PRR27: variants seen among roughly 807,000 people sequenced by gnomAD.
The protein encoded by PRR27 is proline-rich protein 27.
A neutral mutation model predicts 16.8 loss-of-function variants in PRR27; 12 were observed. The ratio of observed to expected loss-of-function variants is 0.71; its 90% confidence interval spans 0.46 to 1.16. The LOEUF (loss-of-function observed/expected upper bound fraction) is 1.16. Among genes scored for constraint, PRR27 ranks in the 50% most tolerant of loss-of-function variants. The pLI, the probability that PRR27 is intolerant of heterozygous loss-of-function variation, is 0.00. For missense variants in PRR27, 277 were observed against 273.3 expected, an observed-to-expected ratio of 1.01 and a Z score of -0.10; for synonymous variants, 100 against 98.4, an observed-to-expected ratio of 1.02 and a Z score of -0.10.
rs760579021 is a variant in PRR27, at chr4:70,158,468, A to T, written c.216A>T (p.Leu72Phe). 4.3e-6 allele frequency: 7 copies of T among 1,614,112 alleles called. No individual in the cohort carries two copies. Among genetic ancestry groups the T allele is most frequent in the Non-Finnish European group, 5.1e-6 (6 of 1,180,008 alleles). ...YPGNTYTDTGLPSYPWILTSP... is the reference protein window; with the variant it reads ...YPGNTYTDTGFPSYPWILTSP... ...GGAATACTTACACTGACACAGGGTT[A>T]CCTTCGTATCCCTGGATTCTAACTT... Residue 72 changes from leucine (L) to phenylalanine (F), a missense_variant, in exon 3 of 5, where the codon TTA becomes TTT. Physicochemically the swap from Leu to Phe is conservative, Grantham distance 22. Transcript: ENST00000344526.
At position 70,158,527 on chromosome 4, in the gene PRR27, GT is replaced by G; in HGVS notation, c.279del (p.Leu95Ter). The part of the protein sequence containing the change: ...PGFPYVYHIR[G>X]FPLATQLNVP... The stretch of plus-strand genomic sequence containing the variant: ...TTCCCCTATGTCTATCACATCCGTG[GT>G]TTTCCCTTAGCTACTCAGTTGAATG... On this transcript the variant is annotated frameshift_variant, in exon 3 of 5. Coordinates refer to ENST00000344526, the MANE Select transcript of PRR27 (RefSeq NM_214711.4). LOFTEE classifies it high-confidence loss of function. 6.2e-7 allele frequency: 1 copy of G among 1,614,074 alleles called. No individual in the cohort carries two copies. Among genetic ancestry groups the G allele is most frequent in the Non-Finnish European group, 8.5e-7 (1 of 1,179,996 alleles).
intron 3 of PRR27, among the ~76,000 whole-genome samples, chr4:70,160,287 T>A (rs1156937265): frequency 1.3e-5 from 2 of 152,160 alleles, no homozygotes; most frequent in Admixed American, 1.3e-4. Flanking sequence ...AGAACACAGA[T>A]ATCTAGATCT....
intron 3 of PRR27, among the ~76,000 whole-genome samples, chr4:70,161,016 C>T (rs757271961): frequency 5.3e-5 from 8 of 151,620 alleles, no homozygotes; most frequent in Non-Finnish European, 1.0e-4. Context: ...GGGTTACATT[C>T]AATGGTGTTT....
In PRR27 at chr4:70,165,149, G is replaced by A. The variant is rs560153217; in HGVS notation, c.*2488G>A. 5 of 152,134 alleles carry A rather than the reference G, an allele frequency of 3.3e-5. No homozygotes were observed. Among genetic ancestry groups the A allele is most frequent in the African/African-American group, 9.6e-5 (4 of 41,528 alleles). 9.4% of individuals were successfully genotyped at this position (152,134 alleles called of 1,614,324 possible). On this transcript the variant is annotated 3_prime_UTR_variant, in exon 5 of 5. Coordinates refer to ENST00000344526, the MANE Select transcript of PRR27 (RefSeq NM_214711.4). ...TAATTTCCACTGTGGAAAACAAACTGTTGTTAGTAAACAGGCATCAGCTTT... is the reference window on the plus strand; with the variant it reads ...TAATTTCCACTGTGGAAAACAAACTATTGTTAGTAAACAGGCATCAGCTTT...
intron 3 of PRR27, among the ~76,000 whole-genome samples, chr4:70,160,185 G>A (rs533699980): frequency 3.9e-5 from 6 of 152,164 alleles, no homozygotes; most frequent in African/African-American, 1.4e-4. Flanking sequence ...TTATAACCCA[G>A]CCCTAACCAC....
chr4:70,164,684 G>A lies in PRR27; in HGVS notation c.*2023G>A, dbSNP rs890032609. On this transcript the variant is annotated 3_prime_UTR_variant, in exon 5 of 5. Coordinates refer to ENST00000344526, the MANE Select transcript of PRR27 (RefSeq NM_214711.4). ...TTGTCAAAATTCAGGCTTTTTGTGT[G>A]AATTGAAGACTTAAAGAAGAATTTG... 10 of 152,006 alleles carry A rather than the reference G, an allele frequency of 6.6e-5. No homozygotes were observed. Among genetic ancestry groups the A allele is most frequent in the Admixed American group, 4.6e-4 (7 of 15,256 alleles). 9.4% of individuals were successfully genotyped at this position (152,006 alleles called of 1,614,324 possible). A position where few individuals can be genotyped will look rare whatever the true frequency, so the allele number is the denominator to read the frequency against.
intron 2 of PRR27, 117 bp downstream of exon 2, chr4:70,156,194 A>C (rs1363542926): frequency 4.0e-6 from 2 of 498,848 alleles, no homozygotes; most frequent in Non-Finnish European, 7.0e-6. Context: ...ATTGCTCTTA[A>C]AATAATAGTG....
chr4:70,166,324 T>C lies in PRR27; in HGVS notation c.*3663T>C, dbSNP rs1427002789. The C allele has an allele frequency of 1.3e-5, 2 of 152,052 alleles. 1 individual carries two copies. Among genetic ancestry groups the C allele is most frequent in the African/African-American group, 4.8e-5 (2 of 41,428 alleles). The allele number at this position is 152,052 out of a possible 1,614,324, so 9.4% of individuals were successfully genotyped here. ...TTTGCAAGTAGCCTGAATAAAACTT[T>C]TCATTATTTATATTATCACATGCAT... is the stretch of plus-strand genomic sequence containing the variant. On this transcript the variant is annotated 3_prime_UTR_variant, in exon 5 of 5. Coordinates refer to ENST00000344526, the MANE Select transcript of PRR27 (RefSeq NM_214711.4).
chr4:70,158,366 G>A lies in PRR27; in HGVS notation c.114G>A (p.Leu38=). The A allele has an allele frequency of 6.2e-7, 1 of 1,611,370 alleles. No homozygotes were observed. The highest frequency in any genetic ancestry group is 8.5e-7 in the Non-Finnish European group (1 of 1,177,778). The change falls in exon 3 of 5, where the codon CTG becomes CTA. Residue 38 remains leucine, a synonymous_variant. Coordinates refer to ENST00000344526, the MANE Select transcript of PRR27 (RefSeq NM_214711.4). ...ATGGTCACCCACTTCATCCATCTCT[G>A]AATATTCCTTATGGCATACGGAATT... ...NDDGHPLHPS[L]NIPYGIRNLP...
intron 3 of PRR27, among the ~76,000 whole-genome samples, chr4:70,160,443 C>CTCTCTCTCTCTCTGTGTG (rs1298386504): frequency 1.0e-4 from 7 of 68,704 alleles, no homozygotes; most frequent in Middle Eastern, 0.014. Flanking sequence ...CTCTCTCTCT[C>CTCTCTCTCTCTCTGTGTG]TGTGTGTGTG....
At chr4:70,161,015 T>C (rs528743171) in intron 3 of PRR27, among the ~76,000 whole-genome samples, 6 of 151,862 alleles carry the variant, frequency 4.0e-5, no homozygotes, top group African/African-American at 1.4e-4. Flanking sequence ...GGGGTTACAT[T>C]CAATGGTGTT....
At position 70,154,455 on chromosome 4, in the gene PRR27, C is replaced by T. The variant is rs190006651; in HGVS notation, c.51+29C>T. 45 of 1,550,240 alleles carry T rather than the reference C, an allele frequency of 2.9e-5. No individual in the cohort carries two copies. In the East Asian group the frequency reaches 9.7e-4, roughly 33 times the overall value. ...AGTAAATGGACTTCCAAAATTGTAA[C>T]AATTGTATAACCATTTGCTAATTGT... On this transcript the variant is annotated intron_variant, in intron 1 of 4. Transcript: ENST00000344526.
Position 70,154,706 on chromosome 4 carries a change from C to T in PRR27, c.51+280C>T, listed in dbSNP as rs186666507. 8.2e-6 allele frequency: 11 copies of T among 1,344,826 alleles called. No homozygotes were observed. In the East Asian group the frequency reaches 1.1e-4, roughly 13 times the overall value. The allele number at this position is 1,344,826 out of a possible 1,614,324, so 83.3% of individuals were successfully genotyped here. ...AAAATTATAGAAAAGCAGGATCCCA[C>T]GTAGATTATCTTAACAGAGTTTATC... On this transcript the variant is annotated intron_variant, in intron 1 of 4. Transcript: ENST00000344526.
chr4:70,158,352 C>A lies in PRR27; in HGVS notation c.100C>A (p.Leu34Ile). 1 of 1,603,694 alleles carries A rather than the reference C, an allele frequency of 6.2e-7. No individual in the cohort carries two copies. The highest frequency in any genetic ancestry group is 8.5e-7 in the Non-Finnish European group (1 of 1,171,270). ...GGATGACAATGACGATGGTCACCCACTTCATCCATCTCTGAATATTCCTTA... is the reference window on the plus strand; with the variant it reads ...GGATGACAATGACGATGGTCACCCAATTCATCCATCTCTGAATATTCCTTA... ...GEDDNDDGHP[L>I]HPSLNIPYGI... The change falls in exon 3 of 5, where the codon CTT becomes ATT. Residue 34 changes from leucine (L) to isoleucine (I), a missense_variant. Coordinates refer to ENST00000344526, the MANE Select transcript of PRR27 (RefSeq NM_214711.4).
intron 1 of PRR27, 175 bp downstream of exon 1, chr4:70,154,601 T>C: frequency 1.2e-6 from 1 of 830,354 alleles, no homozygotes; most frequent in Non-Finnish European, 1.9e-6. Context: ...AAAATCAAAA[T>C]AATAAAGTTG....
At position 70,156,728 on chromosome 4, in the gene PRR27, A is replaced by G. The variant is rs142212304; in HGVS notation, c.75+651A>G. On this transcript the variant is annotated intron_variant, in intron 2 of 4. Coordinates refer to ENST00000344526, the MANE Select transcript of PRR27 (RefSeq NM_214711.4). ...ATCCACCAGTATGCCATAAATCAAC[A>G]TGACACTCTAGCAAAGAAAGCTCAA... Among the ~76,000 whole-genome samples the G allele has an allele frequency of 9.8e-5, 15 of 152,310 alleles. No homozygotes were observed. The East Asian group carries it at 2.9e-3, about 29-fold the overall frequency.
chr4:70,154,867 G>T, intron 1 of PRR27: 5 of 776,194 alleles, frequency 6.4e-6, no homozygotes, highest in Non-Finnish European at 9.6e-6. Flanking sequence ...GGACTGTAAC[G>T]TAATATAGTG....
chr4:70,154,472 G>T (rs1018000724), intron 1 of PRR27, 46 bp downstream of exon 1: 2 of 1,459,374 alleles, frequency 1.4e-6, no homozygotes, highest in Middle Eastern at 1.8e-4. Flanking sequence ...ATAACCATTT[G>T]CTAATTGTTT....
intron 1 of PRR27, chr4:70,154,910 A>G (rs1728441769): frequency 2.2e-6 from 1 of 447,814 alleles, no homozygotes; most frequent in South Asian, 2.1e-5. Flanking sequence ...ACATAAGTAG[A>G]TGAAACTCTA....
Sources: gnomAD v4.1 joint callset for allele counts (sites outside exome capture counted in the v4.1 genomes callset) on GRCh38, gnomAD v4.1.1 for gene constraint, MANE v1.5 for transcripts, NCBI Gene and HGNC (gene_info 2026-07-23, HGNC 2026-07-21) for gene names.